Variants in ZFP28 observed in about 807,000 individuals in gnomAD.
ZFP28 encodes zinc finger protein 28 homolog.
Under a neutral mutation model 39.5 loss-of-function variants are expected in ZFP28, and 31 were observed. That is an observed-to-expected ratio of 0.79 (90% CI 0.59 to 1.06). The LOEUF (loss-of-function observed/expected upper bound fraction) is 1.06, where lower values mean the gene tolerates loss of function less well. ZFP28 is among the 50% of genes least tolerant of loss of function. The pLI is 0.00. For missense variants in ZFP28, 925 were observed against 1,048.4 expected, an observed-to-expected ratio of 0.88 and a Z score of 1.63; for synonymous variants, 400 against 378.6, an observed-to-expected ratio of 1.06 and a Z score of -0.66.
chr19:56,546,118 C>T (rs1214291081), intron 2 of ZFP28: 2 of 152,204 alleles, frequency 1.3e-5, no homozygotes, highest in Non-Finnish European at 2.9e-5. Flanking sequence ...GTATTGTTGC[C>T]TTTTCCATTT....
rs565788337 is a variant in ZFP28, at chr19:56,554,643, G to T, written c.1858G>T (p.Ala620Ser). The change falls in exon 8 of 8, where the codon GCG (alanine) becomes TCG (serine). Residue 620 changes from alanine (A) to serine (S), a missense_variant. Around this residue, in one of 2 missense-constraint regions of ZFP28, gnomAD observed 369 missense variants for 505.5 expected, o/e 0.73. Transcript: ENST00000301318. The surrounding 1 kb of genome is among the most constrained non-coding windows in gnomAD (Gnocchi z 6.7). ...IHTGEKPFECAECGKSFSISS... is the reference protein window; with the variant it reads ...IHTGEKPFECSECGKSFSISS... Reference sequence around the variant, plus strand: ...TACTGGGGAGAAGCCTTTTGAATGTGCGGAGTGTGGAAAATCCTTCAGCAT... The same window carrying T: ...TACTGGGGAGAAGCCTTTTGAATGTTCGGAGTGTGGAAAATCCTTCAGCAT... The T allele has an allele frequency of 6.2e-7, 1 of 1,613,408 alleles. No individual in the cohort carries two copies. Among genetic ancestry groups the T allele is most frequent in the South Asian group, 1.1e-5 (1 of 91,056 alleles).
Position 56,550,192 on chromosome 19 carries a change from C to T in ZFP28, c.802+11C>T, listed in dbSNP as rs144049114. On this transcript the variant is annotated intron_variant, in intron 6 of 7. Transcript: ENST00000301318. The stretch of plus-strand genomic sequence containing the variant: ...ACCTGGGATCAGCAGGTAAGGATGT[C>T]CCTCTCCCATATTTGAATCTATCGT... 1.9e-6 allele frequency: 3 copies of T among 1,597,692 alleles called. No individual in the cohort carries two copies. The highest frequency in any genetic ancestry group is 2.7e-5 in the African/African-American group (2 of 74,870).
At position 56,554,195 on chromosome 19, in the gene ZFP28, C is replaced by T; in HGVS notation, c.1410C>T (p.His470=). 6.2e-7 allele frequency: 1 copy of T among 1,614,172 alleles called. No individual in the cohort carries two copies. ...CCTTTGCCCGACACCAGAGATGTCACACTGGCAAGAAGCCCTATGAGTGCA... is the reference window on the plus strand; with the variant it reads ...CCTTTGCCCGACACCAGAGATGTCATACTGGCAAGAAGCCCTATGAGTGCA... ...GSSFARHQRC[H]TGKKPYECIE... The change falls in exon 8 of 8, where the codon CAC becomes CAT. Residue 470 remains histidine, a synonymous_variant. Coordinates refer to ENST00000301318, the MANE Select transcript of ZFP28 (RefSeq NM_020828.2). This position sits in a 1 kb window ranked among gnomAD's most constrained non-coding sequence, Gnocchi z 6.7.
In ZFP28 at chr19:56,555,237, A is replaced by G. The variant is rs75482657; in HGVS notation, c.2452A>G (p.Ser818Gly). The G allele has an allele frequency of 9.0e-5, 146 of 1,614,204 alleles. No homozygotes were observed. The African/African-American group carries it at 1.9e-3, about 21-fold the overall frequency. The change falls in exon 8 of 8, where the codon AGC becomes GGC. Residue 818 changes from serine to glycine, a missense_variant. Physicochemically the swap from Ser to Gly is moderately conservative, Grantham distance 56. Transcript: ENST00000301318. ...TGERSYNYKKSRKVFRQTAHL... is the reference protein window; with the variant it reads ...TGERSYNYKKGRKVFRQTAHL... ...AGAGAGATCTTATAACTATAAGAAAAGCAGAAAAGTCTTCAGGCAAACTGC... is the reference window on the plus strand; with the variant it reads ...AGAGAGATCTTATAACTATAAGAAAGGCAGAAAAGTCTTCAGGCAAACTGC...
At chr19:56,538,923 G>A (rs1455524369), upstream of ZFP28, 9 of 1,109,684 alleles carry the variant, frequency 8.1e-6, no homozygotes, top group African/African-American at 1.6e-5. Flanking sequence ...GGGGGAGCGC[G>A]CGCGGGGCTG....
At chr19:56,550,776 C>T in intron 7 of ZFP28, 171 bp downstream of exon 7, 6 of 1,526,448 alleles carry the variant, frequency 3.9e-6, no homozygotes, top group South Asian at 1.3e-5. Flanking sequence ...TCCTCCTTTG[C>T]CCCCTTCTCT....
chr19:56,541,492 A>G (rs2044194863), intron 2 of ZFP28, among the ~76,000 whole-genome samples: 1 of 151,992 alleles, frequency 6.6e-6, no homozygotes, highest in Non-Finnish European at 1.5e-5. Flanking sequence ...GGTCTATTCA[A>G]ACATGTCACC....
rs576533900 is a variant in ZFP28 at position 56,550,977 on chromosome 19, G to C, written c.898+372G>C. On this transcript the variant is annotated intron_variant, in intron 7 of 7. Coordinates refer to ENST00000301318, the MANE Select transcript of ZFP28 (RefSeq NM_020828.2). ...TCCATTCCTGTGAGAACCACAAATT[G>C]AAAGTTATGGGATTGAGCCACTCTG... 63 of 1,355,828 alleles carry C rather than the reference G, an allele frequency of 4.6e-5. No individual in the cohort carries two copies. The East Asian group carries it at 9.6e-4, about 21-fold the overall frequency. 84.0% of individuals were successfully genotyped at this position (1,355,828 alleles called of 1,614,324 possible). A position where few individuals can be genotyped will look rare whatever the true frequency, so the allele number is the denominator to read the frequency against.
In ZFP28 at chr19:56,547,841, G is replaced by C; in HGVS notation, c.462G>C (p.Ser154=). 6.2e-7 allele frequency: 1 copy of C among 1,614,076 alleles called. No individual in the cohort carries two copies. Residue 154 remains serine (S), a synonymous_variant, in exon 4 of 8, where the codon TCG becomes TCC. Coordinates refer to ENST00000301318, the MANE Select transcript of ZFP28 (RefSeq NM_020828.2). This position sits in a 1 kb window ranked among gnomAD's most constrained non-coding sequence, Gnocchi z 4.6. ...LCVSKPDVIS[S]LEQGKEPWTV... ...TTTCTAAGCCCGATGTGATCTCCTC[G>C]TTGGAACAAGGAAAAGAGCCTTGGA...
chr19:56,556,091 CTG>C lies in ZFP28; in HGVS notation c.*700_*701del, dbSNP rs1262726541. On this transcript the variant is annotated 3_prime_UTR_variant, in exon 8 of 8. Transcript: ENST00000301318. ...AAGGAACCATTCATTGTGAGGTAAACTGATCCAGAATAGGGGTCAGCAAACTA... is the reference window on the plus strand; with the variant it reads ...AAGGAACCATTCATTGTGAGGTAAACATCCAGAATAGGGGTCAGCAAACTA... 1 of 152,194 alleles carries C rather than the reference CTG, an allele frequency of 6.6e-6. No individual in the cohort carries two copies. The highest frequency in any genetic ancestry group is 1.5e-5 in the Non-Finnish European group (1 of 68,048). 9.4% of individuals were successfully genotyped at this position (152,194 alleles called of 1,614,324 possible). A position where few individuals can be genotyped will look rare whatever the true frequency, so the allele number is the denominator to read the frequency against.
chr19:56,551,877 G>C, intron 7 of ZFP28: 1 of 982,570 alleles, frequency 1.0e-6, no homozygotes, highest in Middle Eastern at 5.2e-4. Flanking sequence ...ATGTATATAA[G>C]CATACTAATT....
chr19:56,540,910 C>T (rs2044189898), intron 2 of ZFP28, among the ~76,000 whole-genome samples: 1 of 105,302 alleles, frequency 9.5e-6, no homozygotes, highest in Non-Finnish European at 1.9e-5. Flanking sequence ...GTTTTTGCCA[C>T]AGTTCTTACC....
In ZFP28 at chr19:56,548,919, CAT is replaced by C; in HGVS notation, c.524-38_524-37del. The C allele has an allele frequency of 9.5e-6, 15 of 1,574,594 alleles. No individual in the cohort carries two copies. The South Asian group carries it at 1.7e-4, about 18-fold the overall frequency. ...TTTGGAATTTTTCTTCATACTAACA[CAT>C]GATAAAAGATAAATTTACCTTCTTT... On this transcript the variant is annotated intron_variant, in intron 4 of 7. Coordinates refer to ENST00000301318, the MANE Select transcript of ZFP28 (RefSeq NM_020828.2).
rs766044521 is a variant in ZFP28, at chr19:56,550,572, G to C, written c.865G>C (p.Val289Leu). The C allele has an allele frequency of 4.3e-6, 7 of 1,614,162 alleles. No individual in the cohort carries two copies. Among genetic ancestry groups the C allele is most frequent in the Non-Finnish European group, 5.9e-6 (7 of 1,180,040 alleles). Reference sequence around the variant, plus strand: ...AGAGCAAGAGAAGGAGCCCTGGATGGTGAAGCGAGAGCTGACAGGAAGCCT... The same window carrying C: ...AGAGCAAGAGAAGGAGCCCTGGATGCTGAAGCGAGAGCTGACAGGAAGCCT... ...LLEQEKEPWM[V>L]KRELTGSLFS... The change falls in exon 7 of 8, where the codon GTG (valine) becomes CTG (leucine). Residue 289 changes from valine to leucine, a missense_variant. By Grantham distance (32) the Val-to-Leu change is conservative. Around this residue, in one of 2 missense-constraint regions of ZFP28, gnomAD observed 556 missense variants for 542.9 expected, o/e 1.02. Coordinates refer to ENST00000301318, the MANE Select transcript of ZFP28 (RefSeq NM_020828.2).
At chr19:56,551,501 CT>C (rs913080999) in intron 7 of ZFP28, 2 of 984,712 alleles carry the variant, frequency 2.0e-6, no homozygotes, top group Non-Finnish European at 2.4e-6. Flanking sequence ...CTTTACATTT[CT>C]TAGTATTAAA....
chr19:56,555,507 C>A lies in ZFP28; in HGVS notation c.*115C>A. On this transcript the variant is annotated 3_prime_UTR_variant, in exon 8 of 8. Transcript: ENST00000301318. ...GTTCTTCACATAAGTGTAAATGTAA[C>A]TTATTCACTCCTCTTGTAAAACTTA... The A allele has an allele frequency of 2.2e-6, 3 of 1,336,396 alleles. No homozygotes were observed. The highest frequency in any genetic ancestry group is 3.1e-6 in the Non-Finnish European group (3 of 983,072). 82.8% of individuals were successfully genotyped at this position (1,336,396 alleles called of 1,614,324 possible).
chr19:56,553,571 T>G, intron 7 of ZFP28, 113 bp from the exon 8 acceptor site: 1 of 1,347,572 alleles, frequency 7.4e-7, no homozygotes, highest in Non-Finnish European at 1.0e-6. Context: ...AGCTGTAAAA[T>G]GTATGTTGAT....
At chr19:56,543,454 C>T (rs1482066848) in intron 2 of ZFP28, among the ~76,000 whole-genome samples, 1 of 151,332 alleles carries the variant, frequency 6.6e-6, no homozygotes, top group African/African-American at 2.4e-5. Flanking sequence ...AGTATATTGG[C>T]TATTTTCAGG....
In ZFP28 at chr19:56,550,990, T is replaced by C. The variant is rs2044296620; in HGVS notation, c.898+385T>C. ...GAACCACAAATTGAAAGTTATGGGA[T>C]TGAGCCACTCTGCTGAGTATTGGCA... On this transcript the variant is annotated intron_variant, in intron 7 of 7. Transcript: ENST00000301318. 7 of 1,338,642 alleles carry C rather than the reference T, an allele frequency of 5.2e-6. No individual in the cohort carries two copies. In the South Asian group the frequency reaches 5.3e-5, roughly 10 times the overall value. 82.9% of individuals were successfully genotyped at this position (1,338,642 alleles called of 1,614,324 possible). A position where few individuals can be genotyped will look rare whatever the true frequency, so the allele number is the denominator to read the frequency against.
Sources: gnomAD v4.1 joint callset for allele counts (sites outside exome capture counted in the v4.1 genomes callset) on GRCh38, gnomAD v4.1.1 for gene constraint, gnomAD v4.1.1 regional missense constraint, Gnocchi (gnomAD v3.1) non-coding constraint, MANE v1.5 for transcripts, NCBI Gene and HGNC (gene_info 2026-07-23, HGNC 2026-07-21) for gene names.